Variants in TSNARE1 observed in about 807,000 individuals in gnomAD.
TSNARE1 encodes the protein t-SNARE domain-containing protein 1.
TSNARE1 carries 49 observed loss-of-function variants against 62.0 expected under a neutral mutation model. The ratio of observed to expected loss-of-function variants is 0.79; its 90% CI spans 0.63 to 1.00. The LOEUF is 1.00. Among genes scored for constraint, TSNARE1 ranks in the 50% least tolerant of loss-of-function variants. TSNARE1 has a pLI of 0.00. For synonymous variants in TSNARE1, 328 were observed against 294.4 expected, an observed-to-expected ratio of 1.11 and a Z score of -1.17; for missense variants, 755 against 700.1, an observed-to-expected ratio of 1.08 and a Z score of -0.88.
chr8:142,311,217 T>C (rs1827524988), intron 9 of TSNARE1, among the ~76,000 whole-genome samples: 1 of 149,452 alleles, frequency 6.7e-6, no homozygotes. Context: ...CAGACTGGAG[T>C]GCAATGGCAA....
At chr8:142,277,892 C>T in intron 11 of TSNARE1, 1 of 985,398 alleles carries the variant, frequency 1.0e-6, no homozygotes, top group Middle Eastern at 5.2e-4. Context: ...CCAGTGCCAC[C>T]CCTGCCAGGC....
chr8:142,341,294 T>C (rs2130120906), intron 4 of TSNARE1, among the ~76,000 whole-genome samples: 1 of 152,104 alleles, frequency 6.6e-6, no homozygotes, highest in African/African-American at 2.4e-5. Flanking sequence ...GGCCAGGCAG[T>C]CTTCTTCGGA....
At chr8:142,384,729 T>C (rs958263315) in intron 1 of TSNARE1, among the ~76,000 whole-genome samples, 1 of 152,176 alleles carries the variant, frequency 6.6e-6, no homozygotes, top group Non-Finnish European at 1.5e-5. Flanking sequence ...TTAAAACTCT[T>C]ACAAGAAAAC....
intron 10 of TSNARE1, among the ~76,000 whole-genome samples, chr8:142,293,591 C>T (rs1234468661): frequency 6.6e-6 from 1 of 152,204 alleles, no homozygotes; most frequent in African/African-American, 2.4e-5. Context: ...TGGACCAGCA[C>T]CTACTTCTCC....
At chr8:142,281,550 G>A (rs973358253) in intron 11 of TSNARE1, among the ~76,000 whole-genome samples, 11 of 151,926 alleles carry the variant, frequency 7.2e-5, no homozygotes, top group African/African-American at 2.7e-4. Context: ...GAGAGACTCT[G>A]GCTCTCCACA....
Position 142,229,390 on chromosome 8 carries a change from G to C in TSNARE1, c.*11+83C>G, listed in dbSNP as rs1166929913. 6 of 1,121,974 alleles carry C rather than the reference G, an allele frequency of 5.3e-6. No individual in the cohort carries two copies. In the African/African-American group the frequency reaches 9.2e-5, roughly 17 times the overall value. The allele number at this position is 1,121,974 out of a possible 1,614,324, so 69.5% of individuals were successfully genotyped here. On this transcript the variant is annotated intron_variant, in intron 13 of 13. Coordinates refer to ENST00000524325, the MANE Select transcript of TSNARE1 (RefSeq NM_145003.5). ...TGGATAGATGGATGGATGGTGGATGGTTAGATGGATGGTGGATAGGTGAAT... is the reference window on the plus strand; with the variant it reads ...TGGATAGATGGATGGATGGTGGATGCTTAGATGGATGGTGGATAGGTGAAT...
At position 142,384,520 on chromosome 8, in the gene TSNARE1, C is replaced by A. The variant is rs1384078181; in HGVS notation, c.-40+18584G>T. ...ATAGAATAAAGAGCCCAGAAATAAG[C>A]CCTGGTGTATACATGGTGATATGAT... is the stretch of plus-strand genomic sequence containing the variant. On this transcript the variant is annotated intron_variant, in intron 1 of 13. Transcript: ENST00000524325. Among the ~76,000 whole-genome samples, 5 of 152,188 alleles carry A rather than the reference C, an allele frequency of 3.3e-5. No individual in the cohort carries two copies. In the South Asian group the frequency reaches 8.3e-4, roughly 25 times the overall value.
intron 13 of TSNARE1, among the ~76,000 whole-genome samples, chr8:142,213,499 G>A (rs1815675492): frequency 6.6e-6 from 1 of 151,958 alleles, no homozygotes; most frequent in Admixed American, 6.5e-5. Flanking sequence ...ACAAAAAACT[G>A]AAAACCCCTA....
Position 142,364,441 on chromosome 8 carries a change from C to T in TSNARE1, c.-39-9678G>A, listed in dbSNP as rs146731092. Among the ~76,000 whole-genome samples the T allele has an allele frequency of 2.1e-3, 314 of 152,286 alleles. 3 individuals are homozygous for T. The highest frequency in any genetic ancestry group is 6.8e-3 in the Middle Eastern group (2 of 294). ...ACTCATTTACATAGCTGAGTGTGTACATGACAGACATCTACTCCCTAGCTT... is the reference window on the plus strand; with the variant it reads ...ACTCATTTACATAGCTGAGTGTGTATATGACAGACATCTACTCCCTAGCTT... On this transcript the variant is annotated intron_variant, in intron 1 of 13. Coordinates refer to ENST00000524325, the MANE Select transcript of TSNARE1 (RefSeq NM_145003.5).
At chr8:142,229,277 G>A (rs1053406247) in intron 13 of TSNARE1, among the ~76,000 whole-genome samples, 196 bp downstream of exon 13, 3 of 151,684 alleles carry the variant, frequency 2.0e-5, no homozygotes, top group Non-Finnish European at 2.9e-5. Context: ...GTGGATGGAT[G>A]GATGGCAGAT....
At chr8:142,235,546 T>C (rs909098152) in intron 12 of TSNARE1, among the ~76,000 whole-genome samples, 1 of 152,114 alleles carries the variant, frequency 6.6e-6, no homozygotes, top group Non-Finnish European at 1.5e-5. Flanking sequence ...TTCAAAAGAA[T>C]TATTCAAAAT....
intron 6 of TSNARE1, among the ~76,000 whole-genome samples, chr8:142,328,182 T>A (rs1830527877): frequency 6.6e-6 from 1 of 152,226 alleles, no homozygotes; most frequent in Admixed American, 6.5e-5. Context: ...AAAACTAACT[T>A]CCTTCAAGCC....
chr8:142,392,545 G>A (rs1169658645), intron 1 of TSNARE1, among the ~76,000 whole-genome samples: 1 of 152,158 alleles, frequency 6.6e-6, no homozygotes, highest in Non-Finnish European at 1.5e-5. Context: ...CAGGTGACGG[G>A]AATTTTTCGG....
chr8:142,223,185 T>TTCATCCAC (rs1563756937), intron 13 of TSNARE1, among the ~76,000 whole-genome samples: 1 of 45,932 alleles, frequency 2.2e-5, no homozygotes. Context: ...TATTCACTCA[T>TTCATCCAC]TCACTCGTTC....
At chr8:142,358,370 T>C (rs536859712) in intron 1 of TSNARE1, among the ~76,000 whole-genome samples, 15 of 152,222 alleles carry the variant, frequency 9.9e-5, no homozygotes, top group African/African-American at 3.1e-4. Context: ...GGAGGGCTCA[T>C]GAGAGGTAGG....
chr8:142,255,917 CCA>C (rs1818476879), intron 12 of TSNARE1, among the ~76,000 whole-genome samples: 1 of 21,908 alleles, frequency 4.6e-5, no homozygotes. Flanking sequence ...ATCACCACCA[CCA>C]TCACCATCAC....
In TSNARE1 at chr8:142,284,314, A is replaced by G. The variant is rs140716403; in HGVS notation, c.1363+99T>C. 460 of 923,186 alleles carry G rather than the reference A, an allele frequency of 5.0e-4. 2 individuals carry two copies. The African/African-American group carries it at 6.4e-3, about 13-fold the overall frequency. The allele number at this position is 923,186 out of a possible 1,614,324, so 57.2% of individuals were successfully genotyped here. A position where few individuals can be genotyped will look rare whatever the true frequency, so the allele number is the denominator to read the frequency against. On this transcript the variant is annotated intron_variant, in intron 11 of 13. Coordinates refer to ENST00000524325, the MANE Select transcript of TSNARE1 (RefSeq NM_145003.5). ...CCAGCCTGGGCCTGGCTCCTCTTAG[A>G]GGCCCCTTCACCCACCCTTAGGTGA...
At chr8:142,375,168 G>C (rs925355253) in intron 1 of TSNARE1, among the ~76,000 whole-genome samples, 26 of 152,330 alleles carry the variant, frequency 1.7e-4, no homozygotes, top group African/African-American at 5.8e-4. Flanking sequence ...TAAACACTGG[G>C]GTACAGCAAG....
intron 9 of TSNARE1, among the ~76,000 whole-genome samples, chr8:142,303,524 T>C (rs957859344): frequency 6.6e-6 from 1 of 152,194 alleles, no homozygotes; most frequent in Non-Finnish European, 1.5e-5. Flanking sequence ...CCGTCTCACA[T>C]GCTTTTCTTT....
Sources: gnomAD v4.1 joint callset for allele counts (sites outside exome capture counted in the v4.1 genomes callset) on GRCh38, gnomAD v4.1.1 for gene constraint, MANE v1.5 for transcripts, NCBI Gene and HGNC (gene_info 2026-07-23, HGNC 2026-07-21) for gene names.